The following STXBP5L variants were observed in gnomAD, a reference collection of about 807,000 sequenced individuals.
STXBP5L encodes syntaxin binding protein 5L.
STXBP5L carries 65 observed loss-of-function variants against 144.5 expected under a neutral mutation model. The observed-to-expected ratio is 0.45, with a 90% CI of 0.37 to 0.55. The LOEUF (loss-of-function observed/expected upper bound fraction) is 0.55, where lower values mean the gene tolerates loss of function less well. Ranked by LOEUF, STXBP5L falls within the 20% of genes least tolerant of loss-of-function variation. STXBP5L has a pLI of 0.00. For synonymous variants in STXBP5L, 505 were observed against 469.6 expected, an observed-to-expected ratio of 1.08 and a Z score of -0.97; for missense variants, 1,298 against 1,405.5, an observed-to-expected ratio of 0.92 and a Z score of 1.22.
chr3:120,995,376 G>T (rs900966779), intron 3 of STXBP5L, among the ~76,000 whole-genome samples: 2 of 152,020 alleles, frequency 1.3e-5, no homozygotes, highest in Admixed American at 6.6e-5. Context: ...TTGAACTCCT[G>T]GGCTCAAGTG....
At chr3:121,101,654 T>A (rs2043433166) in intron 5 of STXBP5L, among the ~76,000 whole-genome samples, 1 of 152,062 alleles carries the variant, frequency 6.6e-6, no homozygotes, top group African/African-American at 2.4e-5. Context: ...CTGAAAGCAT[T>A]CCCCTTGAGA....
chr3:120,993,428 T>G (rs1478356518), intron 3 of STXBP5L, among the ~76,000 whole-genome samples: 1 of 152,122 alleles, frequency 6.6e-6, no homozygotes, highest in Non-Finnish European at 1.5e-5. Flanking sequence ...TCTTCTAGTA[T>G]TTTCAGTTCC....
At chr3:120,937,620 G>T (rs929214418) in intron 2 of STXBP5L, among the ~76,000 whole-genome samples, 1 of 152,154 alleles carries the variant, frequency 6.6e-6, no homozygotes, top group Non-Finnish European at 1.5e-5. Context: ...TGGATCTAAA[G>T]AAAGTTGTTG....
At chr3:121,151,387 G>A (rs1438147235) in intron 7 of STXBP5L, among the ~76,000 whole-genome samples, 1 of 152,104 alleles carries the variant, frequency 6.6e-6, no homozygotes, top group Non-Finnish European at 1.5e-5. Flanking sequence ...AAAAATAAAT[G>A]TATATTGCTT....
intron 3 of STXBP5L, among the ~76,000 whole-genome samples, chr3:120,978,313 AC>A (rs766365359): frequency 2.6e-5 from 4 of 152,032 alleles, no homozygotes; most frequent in Non-Finnish European, 5.9e-5. Flanking sequence ...CTTTGCTGAT[AC>A]CCTTTCTTCC....
intron 22 of STXBP5L, among the ~76,000 whole-genome samples, chr3:121,399,801 A>G (rs558298912): frequency 6.6e-6 from 1 of 152,216 alleles, no homozygotes; most frequent in Non-Finnish European, 1.5e-5. Flanking sequence ...AACATGTCAC[A>G]GTGCTGCAGA....
chr3:121,159,779 G>A (rs1482388583), intron 9 of STXBP5L, among the ~76,000 whole-genome samples: 8 of 151,456 alleles, frequency 5.3e-5, no homozygotes, highest in Non-Finnish European at 1.0e-4. Flanking sequence ...ACAGGCGCCC[G>A]CTACCATGCC....
intron 5 of STXBP5L, among the ~76,000 whole-genome samples, chr3:121,104,222 C>A (rs890741801): frequency 2.6e-5 from 4 of 151,810 alleles, no homozygotes; most frequent in African/African-American, 7.3e-5. Context: ...CAAATAATAT[C>A]CTGACAAAAG....
chr3:121,357,837 GC>G (rs2045578004), intron 20 of STXBP5L: 1 of 152,036 alleles, frequency 6.6e-6, no homozygotes, highest in Non-Finnish European at 1.5e-5. Context: ...ACTTCCACAC[GC>G]ATACAAAAGA....
At chr3:121,098,536 C>T (rs1031756211) in intron 5 of STXBP5L, among the ~76,000 whole-genome samples, 6 of 152,190 alleles carry the variant, frequency 3.9e-5, no homozygotes, top group African/African-American at 1.4e-4. Context: ...GCCTCCATGA[C>T]CCAAACACTA....
intron 3 of STXBP5L, among the ~76,000 whole-genome samples, chr3:120,991,324 G>T (rs2107964967): frequency 1.3e-5 from 2 of 150,988 alleles, no homozygotes; most frequent in South Asian, 4.2e-4. Context: ...TAAAAAGTCA[G>T]GAAACAACAG....
chr3:120,970,555 A>T (rs371073905), intron 3 of STXBP5L, among the ~76,000 whole-genome samples: 6 of 152,056 alleles, frequency 3.9e-5, no homozygotes, highest in African/African-American at 9.7e-5. Context: ...TGTATTCAGG[A>T]TGCTGTTCAA....
At chr3:121,010,251 AAGGAGTGAGGGAATCACTAC>A (rs1180931886) in intron 3 of STXBP5L, among the ~76,000 whole-genome samples, 1 of 151,714 alleles carries the variant, frequency 6.6e-6, no homozygotes, top group African/African-American at 2.4e-5. Flanking sequence ...ATCTTTGGGG[AAGGAGTGAGGGAATCACTAC>A]TACACATAGT....
At chr3:121,212,700 C>A (rs1488660553) in intron 10 of STXBP5L, among the ~76,000 whole-genome samples, 1 of 152,114 alleles carries the variant, frequency 6.6e-6, no homozygotes, top group Non-Finnish European at 1.5e-5. Flanking sequence ...TATACAGGCT[C>A]TTTTTTGCTT....
chr3:120,980,772 A>G (rs764458192), intron 3 of STXBP5L, among the ~76,000 whole-genome samples: 2 of 152,070 alleles, frequency 1.3e-5, no homozygotes, highest in Non-Finnish European at 2.9e-5. Flanking sequence ...ATGGTTTGCA[A>G]TCTTGGTTGT....
chr3:121,311,956 G>C (rs554332570), intron 19 of STXBP5L, among the ~76,000 whole-genome samples: 2 of 152,240 alleles, frequency 1.3e-5, no homozygotes, highest in African/African-American at 4.8e-5. Context: ...TACAAGGCTA[G>C]AGTAACCAAA....
intron 7 of STXBP5L, among the ~76,000 whole-genome samples, chr3:121,147,477 A>C (rs919629400): frequency 2.0e-5 from 3 of 152,152 alleles, no homozygotes; most frequent in Non-Finnish European, 4.4e-5. Context: ...CCTCCAGGAA[A>C]ATTTATAGTT....
chr3:120,925,932 G>C (rs192102736), intron 2 of STXBP5L, among the ~76,000 whole-genome samples: 2 of 152,290 alleles, frequency 1.3e-5, no homozygotes, highest in African/African-American at 4.8e-5. Flanking sequence ...ATGAAGAAGA[G>C]TGGGAAAAAA....
intron 22 of STXBP5L, among the ~76,000 whole-genome samples, chr3:121,382,750 G>C (rs1315562285): frequency 6.6e-6 from 1 of 151,958 alleles, no homozygotes; most frequent in Non-Finnish European, 1.5e-5. Context: ...GCAATCCCTG[G>C]ACTAATAAAG....
Sources: gnomAD v4.1 joint callset for allele counts (sites outside exome capture counted in the v4.1 genomes callset) on GRCh38, gnomAD v4.1.1 for gene constraint, MANE v1.5 for transcripts, NCBI Gene and HGNC (gene_info 2026-07-23, HGNC 2026-07-21) for gene names.